The following HOMER2 variants were observed in gnomAD, a reference collection of about 807,000 sequenced individuals.
The protein encoded by HOMER2 is homer scaffold protein 2.
A neutral mutation model predicts 47.0 loss-of-function variants in HOMER2; 27 were observed. The observed-to-expected ratio is 0.57, with a 90% CI of 0.42 to 0.79. HOMER2 has a LOEUF of 0.79. Among genes scored for constraint, HOMER2 ranks in the 30% least tolerant of loss-of-function variants. The probability of loss-of-function intolerance (pLI) is 0.00; values close to 1 mark genes in which losing one functional copy is unlikely to be tolerated. For synonymous variants in HOMER2, 161 were observed against 163.8 expected (o/e 0.98, Z 0.13); for missense variants, 443 against 435.0 (o/e 1.02, Z -0.16).
In HOMER2 at chr15:82,852,200, T is replaced by G. The variant is rs781170498; in HGVS notation, c.704A>C (p.Asn235Thr). ...CTCGATCCTCCTCTTCAGCTGCGTG[T>G]TCTTCTCCTTCTCTCTGTTGATCTC... ...CSEINREKEK[N>T]TQLKRRIEEL... Residue 235 changes from asparagine (N) to threonine (T), a missense_variant, in exon 7 of 9, where the codon AAC becomes ACC. Asn to Thr is a moderately conservative substitution (Grantham distance 65, BLOSUM62 0). Coordinates refer to ENST00000450735, the MANE Select transcript of HOMER2 (RefSeq NM_004839.4). 102 of 1,613,882 alleles carry G rather than the reference T, an allele frequency of 6.3e-5. No individual in the cohort carries two copies. The highest frequency in any genetic ancestry group is 8.3e-5 in the Non-Finnish European group (98 of 1,179,894).
At chr15:82,868,543 T>A (rs10524078) in intron 3 of HOMER2, among the ~76,000 whole-genome samples, 4,326 of 36,658 alleles carry the variant, frequency 0.12, 373 homozygotes, top group Non-Finnish European at 0.18. Flanking sequence ...ATATATATAT[T>A]TTTTTTTTTT....
At chr15:82,838,557 A>G (rs1317103758) in exon 2 of HOMER2, 1 of 152,412 alleles carries the variant, frequency 6.6e-6, no homozygotes, top group Non-Finnish European at 1.5e-5. Context: ...AGAGCCAAGT[A>G]CAGCTTCATG....
At chr15:82,893,259 G>C (rs1029572798) in intron 1 of HOMER2, among the ~76,000 whole-genome samples, 5 of 151,268 alleles carry the variant, frequency 3.3e-5, no homozygotes, top group African/African-American at 1.2e-4. Flanking sequence ...CAATCTATTT[G>C]CAGCTTAATG....
chr15:82,928,825 G>A (rs909676051), intron 1 of HOMER2, among the ~76,000 whole-genome samples: 8 of 150,938 alleles, frequency 5.3e-5, no homozygotes, highest in African/African-American at 2.0e-4. Flanking sequence ...TGAGAAACCA[G>A]TCCCGAAAAC....
intron 1 of HOMER2, among the ~76,000 whole-genome samples, chr15:82,938,303 G>T (rs1052036841): frequency 1.3e-5 from 2 of 152,160 alleles, no homozygotes; most frequent in African/African-American, 4.8e-5. Flanking sequence ...GAACCCAGGA[G>T]GCAGAGGTTG....
intron 1 of HOMER2, among the ~76,000 whole-genome samples, chr15:82,914,132 C>T (rs1252163717): frequency 1.4e-5 from 2 of 146,656 alleles, no homozygotes; most frequent in Non-Finnish European, 3.0e-5. Flanking sequence ...GTCAGGAGAT[C>T]GAGACCATCC....
intron 1 of HOMER2, among the ~76,000 whole-genome samples, chr15:82,935,850 G>C (rs573513678): frequency 2.0e-5 from 3 of 152,114 alleles, no homozygotes; most frequent in Non-Finnish European, 1.5e-5. Flanking sequence ...GGAGACCTTC[G>C]ATGGGTCTCC....
chr15:82,899,562 C>T (rs1013773257), intron 1 of HOMER2, among the ~76,000 whole-genome samples: 1 of 152,226 alleles, frequency 6.6e-6, no homozygotes, highest in Non-Finnish European at 1.5e-5. Context: ...ACAAAATCCA[C>T]ACAGTAACGT....
chr15:82,895,918 T>C (rs530431387), intron 1 of HOMER2, among the ~76,000 whole-genome samples: 1 of 152,304 alleles, frequency 6.6e-6, no homozygotes, highest in East Asian at 1.9e-4. Context: ...AGGTGATTTT[T>C]ACTTTCAAGG....
chr15:82,965,191 GTATTT>G (rs780919053), intron 1 of HOMER2, among the ~76,000 whole-genome samples: 16 of 151,894 alleles, frequency 1.1e-4, no homozygotes, highest in Non-Finnish European at 2.1e-4. Flanking sequence ...GCTAACTTTT[GTATTT>G]TTTGTAGAGA....
intron 1 of HOMER2, among the ~76,000 whole-genome samples, chr15:82,921,796 C>T (rs1225633950): frequency 6.6e-6 from 1 of 152,192 alleles, no homozygotes; most frequent in East Asian, 1.9e-4. Flanking sequence ...CTCTGGTCTC[C>T]TCTGTGCTAT....
chr15:82,971,356 T>C (rs896960263), intron 1 of HOMER2, among the ~76,000 whole-genome samples: 29 of 151,794 alleles, frequency 1.9e-4, no homozygotes, highest in Non-Finnish European at 4.0e-4. Flanking sequence ...TTCTCAAGAA[T>C]TCTGAATCAG....
intron 1 of HOMER2, among the ~76,000 whole-genome samples, chr15:82,980,525 C>T (rs983611242): frequency 6.6e-6 from 1 of 152,130 alleles, no homozygotes; most frequent in Non-Finnish European, 1.5e-5. Flanking sequence ...CTCTGCGTGG[C>T]GTGTTGTGCT....
At chr15:82,911,754 G>T (rs991361755) in intron 1 of HOMER2, among the ~76,000 whole-genome samples, 2 of 152,138 alleles carry the variant, frequency 1.3e-5, no homozygotes, top group African/African-American at 4.8e-5. Context: ...TTCACGGCCG[G>T]GTGAGGTGGT....
At chr15:82,939,531 G>A (rs2054215792) in intron 1 of HOMER2, among the ~76,000 whole-genome samples, 1 of 152,170 alleles carries the variant, frequency 6.6e-6, no homozygotes, top group African/African-American at 2.4e-5. Context: ...TTAGCCAGGT[G>A]TCGTGGTGCA....
chr15:82,914,223 AC>A (rs2053523361), intron 1 of HOMER2, among the ~76,000 whole-genome samples: 2 of 141,804 alleles, frequency 1.4e-5, no homozygotes, highest in East Asian at 4.2e-4. Flanking sequence ...ACACACACAC[AC>A]ACAATTAGCC....
At chr15:82,854,927 A>C in intron 5 of HOMER2, 127 bp from the exon 6 acceptor site, 1 of 1,112,320 alleles carries the variant, frequency 9.0e-7, no homozygotes, top group Non-Finnish European at 1.3e-6. Flanking sequence ...TCCCCACAGT[A>C]AGCTGGCAGG....
At chr15:82,967,561 T>C (rs1385309982) in intron 1 of HOMER2, among the ~76,000 whole-genome samples, 1 of 152,110 alleles carries the variant, frequency 6.6e-6, no homozygotes, top group Non-Finnish European at 1.5e-5. Flanking sequence ...TCTGCATATG[T>C]TTGGAATTTT....
intron 2 of HOMER2, 95 bp downstream of exon 2, chr15:82,892,590 A>T (rs2052747594): frequency 1.0e-6 from 1 of 957,274 alleles, no homozygotes; most frequent in African/African-American, 1.6e-5. Context: ...AGACATTATA[A>T]CAATAACTTA....
Sources: allele counts gnomAD v4.1 joint callset (sites outside exome capture counted in the v4.1 genomes callset), GRCh38; gene constraint gnomAD v4.1.1; transcripts MANE v1.5; gene names NCBI Gene and HGNC (gene_info 2026-07-23, HGNC 2026-07-21).